The following CSMD3 variants were observed in gnomAD, a reference collection of about 807,000 sequenced individuals.
The protein encoded by CSMD3 is CUB and sushi domain-containing protein 3.
In CSMD3, 177 loss-of-function variants were observed where a neutral mutation model predicts 435.2. That is an observed-to-expected ratio of 0.41 (90% CI 0.36 to 0.46). The LOEUF is 0.46. Among genes scored for constraint, CSMD3 ranks in the 20% least tolerant of loss-of-function variants. The pLI is 0.34. For synonymous variants in CSMD3, 1,656 were observed against 1,520.5 expected, an observed-to-expected ratio of 1.09 and a Z score of -2.07; for missense variants, 4,265 against 4,504.6, an observed-to-expected ratio of 0.95 and a Z score of 1.52.
intron 10 of CSMD3, among the ~76,000 whole-genome samples, chr8:112,918,591 C>CA (rs1390060210): frequency 4.6e-5 from 7 of 151,794 alleles, no homozygotes; most frequent in Admixed American, 1.3e-4. Flanking sequence ...CTACTTTTTG[C>CA]AAAAGCTCCA....
At chr8:113,002,764 T>G (rs550829591) in intron 6 of CSMD3, among the ~76,000 whole-genome samples, 3 of 152,228 alleles carry the variant, frequency 2.0e-5, no homozygotes, top group African/African-American at 7.2e-5. Flanking sequence ...GATACAAACT[T>G]TCCTGTCAAC....
Position 112,224,854 on chromosome 8 carries a change from T to C in CSMD3, c.11041A>G (p.Met3681Val), listed in dbSNP as rs1167520812. 3 of 1,614,096 alleles carry C rather than the reference T, an allele frequency of 1.9e-6. No homozygotes were observed. The highest frequency in any genetic ancestry group is 2.2e-5 in the East Asian group (1 of 44,874). ...ACTGACTTTGCGTTGGTGTCATACA[T>C]GGGATTTTCAAAAGCTGCTTGGCCA... is the stretch of plus-strand genomic sequence containing the variant. ...NNGQAAFENPMYDTNAKSVEG... is the reference protein window; with the variant it reads ...NNGQAAFENPVYDTNAKSVEG... Residue 3681 changes from methionine to valine, a missense_variant, in exon 71 of 71, where the codon ATG becomes GTG. Met to Val is a conservative substitution (Grantham distance 21). Transcript: ENST00000297405.
intron 36 of CSMD3, among the ~76,000 whole-genome samples, chr8:112,384,058 G>T (rs1355304125): frequency 1.3e-5 from 2 of 152,042 alleles, no homozygotes; most frequent in African/African-American, 4.8e-5. Context: ...TAGCTATTAG[G>T]AAAAACCAGA....
chr8:113,433,946 A>G (rs2130114660), intron 1 of CSMD3, among the ~76,000 whole-genome samples: 1 of 152,230 alleles, frequency 6.6e-6, no homozygotes, highest in East Asian at 1.9e-4. Flanking sequence ...TCTAGGCAGC[A>G]CCTGCCCTGT....
chr8:112,991,199 AAT>A (rs902431276), intron 6 of CSMD3, among the ~76,000 whole-genome samples: 21 of 150,356 alleles, frequency 1.4e-4, no homozygotes, highest in Non-Finnish European at 2.5e-4. Context: ...ATTGCTGCTG[AAT>A]ATATATATAT....
intron 4 of CSMD3, among the ~76,000 whole-genome samples, chr8:113,107,457 C>T (rs1211774398): frequency 6.6e-6 from 1 of 152,128 alleles, no homozygotes; most frequent in Admixed American, 6.5e-5. Context: ...GGTATTGGTT[C>T]TAGGATCTAT....
chr8:112,252,375 G>A (rs1815343173), intron 63 of CSMD3, among the ~76,000 whole-genome samples: 1 of 151,862 alleles, frequency 6.6e-6, no homozygotes. Context: ...TAAACAGAAA[G>A]TAGTATAAAA....
chr8:112,289,192 A>T (rs1315990386), intron 57 of CSMD3, among the ~76,000 whole-genome samples, 173 bp downstream of exon 57: 1 of 152,138 alleles, frequency 6.6e-6, no homozygotes, highest in South Asian at 2.1e-4. Flanking sequence ...CTGCATTTCT[A>T]TAGCCTTACA....
chr8:112,527,412 A>C (rs181727001), intron 27 of CSMD3, among the ~76,000 whole-genome samples: 127 of 152,072 alleles, frequency 8.4e-4, no homozygotes, highest in African/African-American at 3.0e-3. Context: ...AGCTCATAAC[A>C]TATCTTCAAA....
intron 28 of CSMD3, among the ~76,000 whole-genome samples, chr8:112,508,210 T>G (rs80178169): frequency 0.014 from 2,146 of 152,278 alleles, 47 homozygotes; most frequent in African/African-American, 0.05. Context: ...TTCTTTCATC[T>G]TAAAAATAAA....
intron 10 of CSMD3, among the ~76,000 whole-genome samples, chr8:112,902,627 C>T (rs772763647): frequency 8.6e-5 from 13 of 151,240 alleles, no homozygotes; most frequent in African/African-American, 2.9e-4. Flanking sequence ...GGTCACTATA[C>T]GCACTGGGCA....
chr8:112,860,598 C>A (rs2080800146), intron 10 of CSMD3, among the ~76,000 whole-genome samples: 2 of 151,576 alleles, frequency 1.3e-5, no homozygotes, highest in South Asian at 4.2e-4. Context: ...TTTTTCAAAG[C>A]CAGCAATGAA....
At chr8:113,241,317 G>T (rs2093213462) in intron 3 of CSMD3, among the ~76,000 whole-genome samples, 1 of 152,002 alleles carries the variant, frequency 6.6e-6, no homozygotes, top group Non-Finnish European at 1.5e-5. Flanking sequence ...AAAATGTTAT[G>T]TTCCATTCAC....
rs2130578094 is a variant in CSMD3 at position 112,281,222 on chromosome 8, G to C, written c.9460C>G (p.Gln3154Glu). 1.2e-6 allele frequency: 2 copies of C among 1,613,234 alleles called. No homozygotes were observed. Among genetic ancestry groups the C allele is most frequent in the Non-Finnish European group, 1.7e-6 (2 of 1,179,364 alleles). ...GYILSGPSVRQCTANGTWSGT... is the reference protein window; with the variant it reads ...GYILSGPSVRECTANGTWSGT... ...GACCATGTTCCATTGGCTGTGCACT[G>C]TCTAACTGAAGGTCCAGAAAGGATG... The change falls in exon 59 of 71, where the codon CAG (glutamine) becomes GAG (glutamate). Residue 3154 changes from glutamine to glutamate, a missense_variant. Physicochemically the swap from Gln to Glu is conservative, Grantham distance 29. Transcript: ENST00000297405.
intron 1 of CSMD3, among the ~76,000 whole-genome samples, chr8:113,331,362 T>C (rs2094026450): frequency 6.6e-6 from 1 of 151,440 alleles, no homozygotes; most frequent in Non-Finnish European, 1.5e-5. Context: ...ACTAAACACA[T>C]AAAAAATTAA....
At chr8:112,353,839 C>T (rs188866715) in intron 38 of CSMD3, among the ~76,000 whole-genome samples, 2 of 152,164 alleles carry the variant, frequency 1.3e-5, no homozygotes, top group South Asian at 2.1e-4. Flanking sequence ...TTTCCTAACT[C>T]GTTCTACAAA....
intron 68 of CSMD3, among the ~76,000 whole-genome samples, chr8:112,232,129 C>T (rs1460418223): frequency 2.6e-5 from 4 of 152,090 alleles, no homozygotes; most frequent in Non-Finnish European, 5.9e-5. Context: ...AGCCATACTT[C>T]CCATCACACC....
At chr8:112,285,910 G>A (rs988643306) in intron 58 of CSMD3, among the ~76,000 whole-genome samples, 1 of 151,590 alleles carries the variant, frequency 6.6e-6, no homozygotes, top group East Asian at 1.9e-4. Context: ...GTAGAGATGT[G>A]GTCTCAGGCT....
At chr8:112,616,269 T>G (rs7462669) in intron 22 of CSMD3, among the ~76,000 whole-genome samples, 86,433 of 151,774 alleles carry the variant, frequency 0.57, 25,143 homozygotes, top group African/African-American at 0.68. Flanking sequence ...ACTCAAAAAT[T>G]ATATCTATTA....
Sources: gnomAD v4.1 joint callset for allele counts (sites outside exome capture counted in the v4.1 genomes callset) on GRCh38, gnomAD v4.1.1 for gene constraint, MANE v1.5 for transcripts, NCBI Gene and HGNC (gene_info 2026-07-23, HGNC 2026-07-21) for gene names.